Variants in TANGO6 observed in about 807,000 individuals in gnomAD.
TANGO6 encodes transport and golgi organization 6 homolog.
A neutral mutation model predicts 114.2 loss-of-function variants in TANGO6; 90 were observed. The ratio of observed to expected loss-of-function variants is 0.79; its 90% CI spans 0.66 to 0.94. TANGO6 has a LOEUF of 0.94. Among genes scored for constraint, TANGO6 ranks in the 40% least tolerant of loss-of-function variants. TANGO6 has a pLI of 0.00. For missense variants in TANGO6, 1,274 were observed against 1,315.3 expected (o/e 0.97, Z 0.49); for synonymous variants, 477 against 509.8 (o/e 0.94, Z 0.87).
At chr16:68,967,591 C>A (rs1963658648) in intron 14 of TANGO6, among the ~76,000 whole-genome samples, 1 of 152,200 alleles carries the variant, frequency 6.6e-6, no homozygotes, top group African/African-American at 2.4e-5. Context: ...ATCTACTTTT[C>A]CTATGTAGAG....
At position 68,843,588 on chromosome 16, in the gene TANGO6, G is replaced by A. The variant is rs769351891; in HGVS notation, c.-30G>A. The stretch of plus-strand genomic sequence containing the variant: ...CGGCGCCCTGCCGAGGCGCCTGAGC[G>A]GGTCGCGAGCGTGGTGTTACACTCC... On this transcript the variant is annotated 5_prime_UTR_variant, in exon 1 of 18. Transcript: ENST00000261778. 3.1e-6 allele frequency: 5 copies of A among 1,605,914 alleles called. No homozygotes were observed. Among genetic ancestry groups the A allele is most frequent in the Admixed American group, 1.7e-5 (1 of 59,210 alleles).
At chr16:68,875,541 C>A (rs187647945) in intron 5 of TANGO6, among the ~76,000 whole-genome samples, 2 of 151,972 alleles carry the variant, frequency 1.3e-5, no homozygotes, top group Non-Finnish European at 2.9e-5. Context: ...CCGAGGCAGG[C>A]GGATCACCTG....
At chr16:69,060,167 G>T (rs904163860) in intron 17 of TANGO6, among the ~76,000 whole-genome samples, 1 of 152,046 alleles carries the variant, frequency 6.6e-6, no homozygotes, top group African/African-American at 2.4e-5. Context: ...TTATGAAAAG[G>T]CTTTTTTTTC....
At chr16:69,045,185 C>T (rs1265279864) in intron 17 of TANGO6, among the ~76,000 whole-genome samples, 6 of 141,242 alleles carry the variant, frequency 4.2e-5, no homozygotes, top group African/African-American at 5.2e-5. Context: ...CTGGGCGCGG[C>T]GACTCACACC....
chr16:68,903,904 A>G (rs924152800), intron 9 of TANGO6, among the ~76,000 whole-genome samples: 2 of 151,930 alleles, frequency 1.3e-5, no homozygotes, highest in Non-Finnish European at 2.9e-5. Flanking sequence ...CCTAGGTGAC[A>G]GAGTGAGACT....
chr16:68,909,471 C>T (rs1265885378), intron 11 of TANGO6, 69 bp downstream of exon 11: 1 of 1,375,908 alleles, frequency 7.3e-7, no homozygotes. Flanking sequence ...AAAAATGTTG[C>T]TGAGAGTGTG....
At chr16:68,992,009 T>TA (rs374402974) in intron 15 of TANGO6, among the ~76,000 whole-genome samples, 2 of 151,920 alleles carry the variant, frequency 1.3e-5, no homozygotes, top group African/African-American at 4.8e-5. Flanking sequence ...CTTTTTTTTT[T>TA]AAACATTTAG....
intron 16 of TANGO6, chr16:69,034,179 C>A: frequency 6.5e-6 from 1 of 153,482 alleles, no homozygotes; most frequent in South Asian, 1.9e-4. Context: ...ATCGGCAAGT[C>A]CTACACCACC....
intron 2 of TANGO6, among the ~76,000 whole-genome samples, chr16:68,861,800 G>A (rs1182851327): frequency 6.6e-6 from 1 of 152,118 alleles, no homozygotes; most frequent in Non-Finnish European, 1.5e-5. Context: ...ACGGTAATGG[G>A]CAGGACCCTG....
At chr16:68,868,801 A>C (rs150945117) in intron 4 of TANGO6, among the ~76,000 whole-genome samples, 71 of 151,984 alleles carry the variant, frequency 4.7e-4, no homozygotes, top group African/African-American at 1.4e-3. Context: ...TTACTTCTAT[A>C]TTTCTAACTA....
chr16:68,930,349 T>C (rs1267667010), intron 14 of TANGO6, 54 bp downstream of exon 14: 2 of 1,452,790 alleles, frequency 1.4e-6, no homozygotes, highest in African/African-American at 1.4e-5. Flanking sequence ...GACTGTATCA[T>C]GTTTATTTGC....
At chr16:68,934,349 T>C (rs1963278664) in intron 14 of TANGO6, among the ~76,000 whole-genome samples, 1 of 152,096 alleles carries the variant, frequency 6.6e-6, no homozygotes, top group African/African-American at 2.4e-5. Flanking sequence ...CCAGCCAAAT[T>C]CTTTCTTTAT....
chr16:68,895,546 A>G (rs893207564), intron 7 of TANGO6, among the ~76,000 whole-genome samples: 3 of 152,200 alleles, frequency 2.0e-5, no homozygotes, highest in Non-Finnish European at 4.4e-5. Flanking sequence ...ACTATGTACT[A>G]TATTCCTGGA....
At chr16:68,852,469 A>C (rs1429289103) in intron 1 of TANGO6, among the ~76,000 whole-genome samples, 1 of 152,074 alleles carries the variant, frequency 6.6e-6, no homozygotes, top group Admixed American at 6.6e-5. Context: ...AAAAAAATTT[A>C]GTTTATTTGA....
chr16:68,857,389 C>CT (rs542331577), intron 1 of TANGO6, among the ~76,000 whole-genome samples: 33 of 145,754 alleles, frequency 2.3e-4, no homozygotes, highest in Middle Eastern at 3.6e-3. Context: ...TTTATCCATT[C>CT]TTTTTTTTTT....
At chr16:68,939,657 A>G (rs769591452) in intron 14 of TANGO6, among the ~76,000 whole-genome samples, 3 of 151,878 alleles carry the variant, frequency 2.0e-5, no homozygotes, top group African/African-American at 2.4e-5. Flanking sequence ...CAGGGAACAC[A>G]TCTTTCCACA....
intron 17 of TANGO6, among the ~76,000 whole-genome samples, chr16:69,069,925 G>A (rs776458307): frequency 8.5e-5 from 13 of 152,122 alleles, no homozygotes; most frequent in Middle Eastern, 3.4e-3. Context: ...TAAAGTAGTG[G>A]GCCAGGCACG....
chr16:68,917,916 C>A (rs1963030027), intron 11 of TANGO6, among the ~76,000 whole-genome samples: 1 of 144,572 alleles, frequency 6.9e-6, no homozygotes, highest in South Asian at 2.2e-4. Flanking sequence ...CTATGCCTGG[C>A]TAATTTTTTT....
chr16:68,890,556 C>T (rs542302071), intron 7 of TANGO6, among the ~76,000 whole-genome samples: 55 of 152,322 alleles, frequency 3.6e-4, no homozygotes, highest in Non-Finnish European at 6.8e-4. Flanking sequence ...AAGGGACATG[C>T]TTAGCAATGT....
Sources: gnomAD v4.1 joint callset for allele counts (sites outside exome capture counted in the v4.1 genomes callset) on GRCh38, gnomAD v4.1.1 for gene constraint, MANE v1.5 for transcripts, NCBI Gene and HGNC (gene_info 2026-07-23, HGNC 2026-07-21) for gene names.